ADGRB3: variants seen among roughly 807,000 people sequenced by gnomAD.
The protein encoded by ADGRB3 is brain-specific angiogenesis inhibitor 3.
ADGRB3 carries 37 observed loss-of-function variants against 193.4 expected under a neutral mutation model. That is an observed-to-expected ratio of 0.19 (90% CI 0.15 to 0.25). The LOEUF (loss-of-function observed/expected upper bound fraction) is 0.25, where lower values mean the gene tolerates loss of function less well. Among genes scored for constraint, ADGRB3 ranks in the 10% least tolerant of loss-of-function variants. The probability of loss-of-function intolerance (pLI) is 1.00; values close to 1 mark genes in which losing one functional copy is unlikely to be tolerated. For synonymous variants in ADGRB3, 690 were observed against 644.2 expected, an observed-to-expected ratio of 1.07 and a Z score of -1.08; for missense variants, 1,637 against 1,852.9, an observed-to-expected ratio of 0.88 and a Z score of 2.14.
chr6:69,169,031 T>A (rs537670399), intron 17 of ADGRB3, among the ~76,000 whole-genome samples: 2 of 152,104 alleles, frequency 1.3e-5, no homozygotes, highest in African/African-American at 4.8e-5. Flanking sequence ...CTTTTTCCAA[T>A]GATGTAATGA....
chr6:69,279,725 C>T (rs979757968), intron 20 of ADGRB3, among the ~76,000 whole-genome samples: 1 of 152,032 alleles, frequency 6.6e-6, no homozygotes, highest in African/African-American at 2.4e-5. Context: ...ATTTCTAAGC[C>T]TATAGAATCC....
At chr6:69,306,988 G>T (rs1768079984) in intron 20 of ADGRB3, among the ~76,000 whole-genome samples, 2 of 150,980 alleles carry the variant, frequency 1.3e-5, no homozygotes, top group Non-Finnish European at 3.0e-5. Context: ...GCAATGCCTG[G>T]TTTACATGCC....
chr6:69,026,760 A>G (rs1159337760), intron 13 of ADGRB3, among the ~76,000 whole-genome samples: 1 of 152,176 alleles, frequency 6.6e-6, no homozygotes, highest in Non-Finnish European at 1.5e-5. Flanking sequence ...TGTATTGAAT[A>G]CTGTAGGCAA....
At chr6:69,266,927 G>A (rs548022458) in intron 20 of ADGRB3, among the ~76,000 whole-genome samples, 3 of 152,074 alleles carry the variant, frequency 2.0e-5, no homozygotes, top group African/African-American at 7.2e-5. Context: ...GGTGATACCA[G>A]TCTAAGGTTG....
chr6:69,208,094 T>C (rs1273126056), intron 17 of ADGRB3, among the ~76,000 whole-genome samples: 1 of 152,204 alleles, frequency 6.6e-6, no homozygotes, highest in African/African-American at 2.4e-5. Flanking sequence ...TGGTAAGTGT[T>C]GACCATGTTG....
At chr6:69,214,913 A>G (rs925772118) in intron 17 of ADGRB3, among the ~76,000 whole-genome samples, 2 of 152,052 alleles carry the variant, frequency 1.3e-5, no homozygotes, top group African/African-American at 4.8e-5. Context: ...AGCTAACATC[A>G]TCTAGTGAGG....
rs748557247 is a variant in ADGRB3, at chr6:68,997,488, C to CAAAAA, written c.1929+3543_1929+3547dup. Among the ~76,000 whole-genome samples the CAAAAA allele has an allele frequency of 2.9e-4, 15 of 52,166 alleles. 1 individual carries two copies. The highest frequency in any genetic ancestry group is 3.7e-4 in the African/African-American group (6 of 16,318). 34.2% of individuals were successfully genotyped at this position (52,166 alleles called of 152,430 possible). ...TGAAACCCTGTTGCTACTAAAAATA[C>CAAAAA]AAAAAAAAAAAAAAAAAAAAAGCAG... On this transcript the variant is annotated intron_variant, in intron 11 of 31. Coordinates refer to ENST00000370598, the MANE Select transcript of ADGRB3 (RefSeq NM_001704.3).
intron 3 of ADGRB3, among the ~76,000 whole-genome samples, chr6:68,817,033 A>G (rs1767644190): frequency 6.6e-6 from 1 of 151,838 alleles, no homozygotes; most frequent in East Asian, 1.9e-4. Flanking sequence ...TATAATATAA[A>G]CTTGTATTTC....
intron 3 of ADGRB3, among the ~76,000 whole-genome samples, chr6:68,781,440 A>T (rs1035458737): frequency 6.6e-6 from 1 of 152,138 alleles, no homozygotes; most frequent in South Asian, 2.1e-4. Context: ...TAGTTTCAAA[A>T]TGCTTTTATC....
chr6:68,861,543 C>T (rs1183880307), intron 3 of ADGRB3, among the ~76,000 whole-genome samples: 1 of 151,986 alleles, frequency 6.6e-6, no homozygotes, highest in Non-Finnish European at 1.5e-5. Flanking sequence ...GCCTGGGCAA[C>T]AGAGCGAGAC....
chr6:69,071,969 A>G (rs1772092830), intron 16 of ADGRB3, among the ~76,000 whole-genome samples: 1 of 152,192 alleles, frequency 6.6e-6, no homozygotes, highest in Non-Finnish European at 1.5e-5. Flanking sequence ...ACTGAAAATT[A>G]TAACAAATAT....
chr6:68,944,277 T>C (rs907358660), intron 6 of ADGRB3, among the ~76,000 whole-genome samples: 4 of 152,190 alleles, frequency 2.6e-5, no homozygotes, highest in Admixed American at 6.5e-5. Context: ...GCTTTTTCCT[T>C]CTGGGAAAAT....
At chr6:68,649,256 AT>A (rs1238302215) in intron 3 of ADGRB3, among the ~76,000 whole-genome samples, 1 of 152,182 alleles carries the variant, frequency 6.6e-6, no homozygotes, top group African/African-American at 2.4e-5. Context: ...ATCTTACCTG[AT>A]TAATGGAACC....
At chr6:68,690,716 A>G (rs1765057951) in intron 3 of ADGRB3, among the ~76,000 whole-genome samples, 1 of 152,134 alleles carries the variant, frequency 6.6e-6, no homozygotes, top group South Asian at 2.1e-4. Context: ...AAGAGATTGG[A>G]TAACAGCTAC....
chr6:68,678,222 A>T (rs554483016), intron 3 of ADGRB3, among the ~76,000 whole-genome samples: 71 of 152,322 alleles, frequency 4.7e-4, no homozygotes, highest in African/African-American at 1.7e-3. Flanking sequence ...TAAATGAATG[A>T]ATAAATAAAG....
At chr6:69,016,158 C>T (rs906386856) in intron 12 of ADGRB3, among the ~76,000 whole-genome samples, 2 of 151,828 alleles carry the variant, frequency 1.3e-5, no homozygotes, top group African/African-American at 2.4e-5. Context: ...GACTTCATGT[C>T]CTGCAAAGCC....
chr6:69,128,546 TA>T (rs1418791024), intron 17 of ADGRB3, among the ~76,000 whole-genome samples: 4 of 152,218 alleles, frequency 2.6e-5, no homozygotes, highest in African/African-American at 9.6e-5. Context: ...AATCATACAG[TA>T]GATATAAACT....
chr6:69,027,967 C>T (rs1770486703), intron 13 of ADGRB3, among the ~76,000 whole-genome samples: 1 of 152,130 alleles, frequency 6.6e-6, no homozygotes, highest in Non-Finnish European at 1.5e-5. Context: ...CTTATTTTGG[C>T]TTTTTAAAAA....
intron 15 of ADGRB3, among the ~76,000 whole-genome samples, chr6:69,060,759 G>C (rs180911875): frequency 6.6e-6 from 1 of 152,048 alleles, no homozygotes; most frequent in Admixed American, 6.6e-5. Context: ...ACTTACATCT[G>C]TCTGTTCAGG....
Sources: gnomAD v4.1 joint callset for allele counts (sites outside exome capture counted in the v4.1 genomes callset) on GRCh38, gnomAD v4.1.1 for gene constraint, MANE v1.5 for transcripts, NCBI Gene and HGNC (gene_info 2026-07-23, HGNC 2026-07-21) for gene names.